Variants in BCAS3 observed in about 807,000 individuals in gnomAD.
The protein encoded by BCAS3 is BCAS3 microtubule associated cell migration factor.
BCAS3 carries 53 observed loss-of-function variants against 116.1 expected under a neutral mutation model. The observed-to-expected ratio is 0.46, with a 90% CI of 0.37 to 0.57. The LOEUF (loss-of-function observed/expected upper bound fraction) is 0.57. BCAS3 is among the 20% of genes least tolerant of loss of function. The pLI, the probability that BCAS3 is intolerant of heterozygous loss-of-function variation, is 0.00. For synonymous variants in BCAS3, 391 were observed against 408.2 expected, an observed-to-expected ratio of 0.96 and a Z score of 0.51; for missense variants, 917 against 1,165.4, an observed-to-expected ratio of 0.79 and a Z score of 3.10.
intron 22 of BCAS3, among the ~76,000 whole-genome samples, chr17:61,206,163 T>A (rs2081111510): frequency 6.6e-6 from 1 of 152,158 alleles, no homozygotes; most frequent in Non-Finnish European, 1.5e-5. Context: ...GCTAAATGTT[T>A]CTTGAGTGGA....
chr17:60,722,956 A>G (rs1395413327), intron 5 of BCAS3, among the ~76,000 whole-genome samples: 1 of 151,326 alleles, frequency 6.6e-6, no homozygotes, highest in African/African-American at 2.4e-5. Context: ...GGAGAGGATC[A>G]CTTGAGTCTA....
In BCAS3 at chr17:61,087,438, T is replaced by C. The variant is rs926554031; in HGVS notation, c.2425+2874T>C. 1 of 153,292 alleles carries C rather than the reference T, an allele frequency of 6.5e-6. No individual in the cohort carries two copies. 9.5% of individuals were successfully genotyped at this position (153,292 alleles called of 1,614,324 possible). Reference sequence around the variant, plus strand: ...ATATAATTACTTTATTCACAGATAATAGAATTTAATGTGATATAATTAAAT... The same window carrying C: ...ATATAATTACTTTATTCACAGATAACAGAATTTAATGTGATATAATTAAAT... On this transcript the variant is annotated intron_variant, in intron 22 of 23. Transcript: ENST00000407086. The surrounding 1 kb of genome is among the most constrained non-coding windows in gnomAD (Gnocchi z 4.6).
chr17:60,799,402 T>TA (rs1400844891), intron 6 of BCAS3, among the ~76,000 whole-genome samples: 1 of 152,128 alleles, frequency 6.6e-6, no homozygotes, highest in African/African-American at 2.4e-5. Flanking sequence ...AGATCTCCCT[T>TA]ATGCTACCTC....
At chr17:60,932,588 A>C (rs1321670837) in intron 13 of BCAS3, among the ~76,000 whole-genome samples, 1 of 151,778 alleles carries the variant, frequency 6.6e-6, no homozygotes, top group Non-Finnish European at 1.5e-5. Context: ...AAAAAATACA[A>C]AAAATTAGCC....
At chr17:60,706,574 C>A (rs1208945730) in intron 4 of BCAS3, among the ~76,000 whole-genome samples, 1 of 152,030 alleles carries the variant, frequency 6.6e-6, no homozygotes, top group African/African-American at 2.4e-5. Flanking sequence ...TATTCCCTCC[C>A]AGCAATTTGG....
At chr17:60,828,709 T>C (rs2050648018) in intron 7 of BCAS3, among the ~76,000 whole-genome samples, 1 of 152,222 alleles carries the variant, frequency 6.6e-6, no homozygotes, top group Non-Finnish European at 1.5e-5. Flanking sequence ...GATATGAATT[T>C]TAAGAACTGC....
chr17:60,949,074 A>G (rs1328663869), intron 14 of BCAS3, among the ~76,000 whole-genome samples: 1 of 151,928 alleles, frequency 6.6e-6, no homozygotes, highest in Non-Finnish European at 1.5e-5. Flanking sequence ...AAAGGGTTTC[A>G]CCATGTTGGC....
chr17:61,067,728 A>AC (rs1308937426), intron 19 of BCAS3, among the ~76,000 whole-genome samples: 16 of 131,882 alleles, frequency 1.2e-4, no homozygotes, highest in Admixed American at 5.4e-4. Context: ...CAAACAAACA[A>AC]AAAAAAAAAA....
At chr17:60,880,709 C>T (rs1174294762) in intron 9 of BCAS3, among the ~76,000 whole-genome samples, 1 of 152,172 alleles carries the variant, frequency 6.6e-6, no homozygotes, top group Non-Finnish European at 1.5e-5. Context: ...CATATGTTCT[C>T]TTGGGTATGA....
At chr17:61,164,916 A>G (rs1177523968) in intron 22 of BCAS3, among the ~76,000 whole-genome samples, 1 of 152,222 alleles carries the variant, frequency 6.6e-6, no homozygotes, top group African/African-American at 2.4e-5. Context: ...CCAGCATGGT[A>G]TTCATTTCCC....
rs1183364356 is a variant in BCAS3, at chr17:61,026,608, A to C, written c.1638-8058A>C. 1.3e-5 allele frequency among the ~76,000 whole-genome samples: 2 copies of C among 152,106 alleles called. No individual in the cohort carries two copies. The highest frequency in any genetic ancestry group is 2.9e-5 in the Non-Finnish European group (2 of 67,916). Reference sequence around the variant, plus strand: ...AATTTTATTTTATTTTAACTTAGAAATACTACAGGGGTGCTCCAGAAAAGG... The same window carrying C: ...AATTTTATTTTATTTTAACTTAGAACTACTACAGGGGTGCTCCAGAAAAGG... On this transcript the variant is annotated intron_variant, in intron 16 of 23. Transcript: ENST00000407086. This position sits in a 1 kb window ranked among gnomAD's most constrained non-coding sequence, Gnocchi z 5.0.
intron 22 of BCAS3, among the ~76,000 whole-genome samples, chr17:61,114,905 G>A (rs1461579946): frequency 5.3e-5 from 8 of 152,020 alleles, no homozygotes; most frequent in African/African-American, 1.9e-4. Context: ...TAGATCAATG[G>A]AACAGAACAG....
intron 5 of BCAS3, among the ~76,000 whole-genome samples, chr17:60,715,008 T>A (rs773344093): frequency 6.6e-6 from 1 of 152,172 alleles, no homozygotes; most frequent in African/African-American, 2.4e-5. Flanking sequence ...GAGGTAAATA[T>A]AGGCTTTCTT....
intron 19 of BCAS3, chr17:61,070,130 T>C (rs751562297): frequency 7.6e-5 from 120 of 1,574,112 alleles, no homozygotes; most frequent in Admixed American, 4.3e-4. Context: ...GAGTCTGCCA[T>C]GAAGAAGACA....
intron 22 of BCAS3, among the ~76,000 whole-genome samples, chr17:61,210,422 T>C (rs1443205320): frequency 6.6e-6 from 1 of 152,216 alleles, no homozygotes; most frequent in African/African-American, 2.4e-5. Context: ...CTTTATAGTT[T>C]ATGAGATGAT....
intron 22 of BCAS3, among the ~76,000 whole-genome samples, chr17:61,314,080 T>G (rs3785855): frequency 0.78 from 118,850 of 152,186 alleles, 46,549 homozygotes; most frequent in East Asian, 0.85. Context: ...TTAGGGATCA[T>G]CTAGCCTAGT....
In BCAS3 at chr17:60,847,664, T is replaced by G. The variant is rs2052658271; in HGVS notation, c.477-20912T>G. Reference sequence around the variant, plus strand: ...TGGAAAAATGTCTATTCAATTCCTTTGCCCACTTTTTTTTTCTCATTGGAA... The same window carrying G: ...TGGAAAAATGTCTATTCAATTCCTTGGCCCACTTTTTTTTTCTCATTGGAA... On this transcript the variant is annotated intron_variant, in intron 7 of 23. Transcript: ENST00000407086. Among the ~76,000 whole-genome samples the G allele has an allele frequency of 2.0e-5, 3 of 152,226 alleles. No individual in the cohort carries two copies. The South Asian group carries it at 6.2e-4, about 31-fold the overall frequency.
chr17:60,833,178 T>C (rs536505007), intron 7 of BCAS3, among the ~76,000 whole-genome samples: 1 of 152,312 alleles, frequency 6.6e-6, no homozygotes, highest in South Asian at 2.1e-4. Flanking sequence ...ATTTTATATA[T>C]TCTAAAAGAA....
At chr17:60,820,124 G>C (rs1428606571) in intron 7 of BCAS3, among the ~76,000 whole-genome samples, 1 of 151,208 alleles carries the variant, frequency 6.6e-6, no homozygotes, top group African/African-American at 2.4e-5. Context: ...AGGCTGGAGT[G>C]CAGTCGCACG....
Sources: gnomAD v4.1 joint callset for allele counts (sites outside exome capture counted in the v4.1 genomes callset) on GRCh38, gnomAD v4.1.1 for gene constraint, Gnocchi (gnomAD v3.1) non-coding constraint, MANE v1.5 for transcripts, NCBI Gene and HGNC (gene_info 2026-07-23, HGNC 2026-07-21) for gene names.